Variants in ARHGAP6 observed in about 807,000 individuals in gnomAD.
ARHGAP6 encodes Rho GTPase activating protein 6, also known as rho GTPase-activating protein 6.
In ARHGAP6, 16 loss-of-function variants were observed where a neutral mutation model predicts 55.7. The observed-to-expected ratio is 0.29, with a 90% confidence interval of 0.19 to 0.44. ARHGAP6 has a LOEUF of 0.44. Among genes scored for constraint, ARHGAP6 ranks in the 20% least tolerant of loss-of-function variants. The probability of loss-of-function intolerance (pLI) is 1.00; values close to 1 mark genes in which losing one functional copy is unlikely to be tolerated. For missense variants in ARHGAP6, 698 were observed against 808.9 expected (o/e 0.86, Z 1.66); for synonymous variants, 382 against 360.9 (o/e 1.06, Z -0.66).
chrX:11,288,624 A>G (rs756402196), intron 1 of ARHGAP6, among the ~76,000 whole-genome samples: 7 of 111,812 alleles, frequency 6.3e-5, no homozygotes, highest in Non-Finnish European at 1.1e-4. Flanking sequence ...TATCATCACA[A>G]AAAGAAACCT....
intron 1 of ARHGAP6, among the ~76,000 whole-genome samples, chrX:11,423,880 A>C (rs1210070725): frequency 8.9e-6 from 1 of 112,311 alleles, no homozygotes; most frequent in East Asian, 2.8e-4. Context: ...AGGAGAGAAG[A>C]GCTTGAGCCT....
In ARHGAP6 at chrX:11,138,942, T is replaced by A. The variant is rs774170167; in HGVS notation, c.2846A>T (p.Asp949Val). 4 of 1,192,097 alleles carry A rather than the reference T, an allele frequency of 3.4e-6. No homozygotes were observed. In the South Asian group the frequency reaches 7.3e-5, roughly 22 times the overall value. Residue 949 changes from aspartate to valine, a missense_variant, in exon 13 of 13, where the codon GAC (aspartate) becomes GTC (valine). By Grantham distance (152) the Asp-to-Val change is radical. Transcript: ENST00000337414. ...SPRLGDAGWL[D>V]WQRERWQIWE... ...GATCTGCCAGCGCTCTCTCTGCCAGTCGAGCCAGCCAGCGTCCCCCAGGCG... is the reference window on the plus strand; with the variant it reads ...GATCTGCCAGCGCTCTCTCTGCCAGACGAGCCAGCCAGCGTCCCCCAGGCG...
At chrX:11,293,527 C>T (rs994510384) in intron 1 of ARHGAP6, 25 of 111,878 alleles carry the variant, frequency 2.2e-4, no homozygotes, top group Non-Finnish European at 4.1e-4. Context: ...TCTTTCTCTG[C>T]ATTTCTTTTA....
At chrX:11,395,134 A>T (rs913869787) in intron 1 of ARHGAP6, among the ~76,000 whole-genome samples, 2 of 111,798 alleles carry the variant, frequency 1.8e-5, no homozygotes, top group African/African-American at 6.5e-5. Flanking sequence ...ATTTTATTCT[A>T]CATGCACATT....
chrX:11,625,685 G>T (rs187400984), intron 1 of ARHGAP6, among the ~76,000 whole-genome samples: 46 of 112,064 alleles, frequency 4.1e-4, no homozygotes, highest in African/African-American at 1.5e-3. Flanking sequence ...GAGAAGATTT[G>T]AAATGTTCCC....
intron 1 of ARHGAP6, among the ~76,000 whole-genome samples, chrX:11,543,331 T>C (rs2051178878): frequency 8.8e-6 from 1 of 113,028 alleles, no homozygotes; most frequent in African/African-American, 3.2e-5. Context: ...TTTTGTATAA[T>C]TTTAGAACAA....
chrX:11,144,212 G>T lies in ARHGAP6; in HGVS notation c.1944C>A (p.Ser648=), dbSNP rs1014805974. ...CTGTAGATGAATGCCTCCCTCCCAC[G>T]GAAAAGGAAACTTCCGACTGCAGCA... ...PDMLQSEVSF[S]VGGRHSSTDS... The change falls in exon 11 of 13, where the codon TCC becomes TCA. Residue 648 remains serine, a synonymous_variant. Coordinates refer to ENST00000337414, the MANE Select transcript of ARHGAP6 (RefSeq NM_013427.3). 5.0e-6 allele frequency: 6 copies of T among 1,209,940 alleles called. No homozygotes were observed. Among genetic ancestry groups the T allele is most frequent in the Non-Finnish European group, 6.7e-6 (6 of 895,072 alleles).
At chrX:11,179,962 G>A (rs1041459956) in intron 6 of ARHGAP6, among the ~76,000 whole-genome samples, 1 of 108,908 alleles carries the variant, frequency 9.2e-6, no homozygotes, top group Non-Finnish European at 1.9e-5. Context: ...CACCAATCCT[G>A]CCATGTTTGG....
chrX:11,617,009 C>T (rs940250565), intron 1 of ARHGAP6, among the ~76,000 whole-genome samples: 4 of 111,875 alleles, frequency 3.6e-5, no homozygotes, highest in African/African-American at 1.3e-4. Context: ...CTATAAAAAC[C>T]TTGGCTACAG....
Position 11,139,032 on chromosome X carries a change from T to G in ARHGAP6, c.2756A>C (p.Gln919Pro), listed in dbSNP as rs1440676762. 1.7e-6 allele frequency: 2 copies of G among 1,208,543 alleles called. No homozygotes were observed. Among genetic ancestry groups the G allele is most frequent in the East Asian group, 3.0e-5 (1 of 33,751 alleles). Residue 919 changes from glutamine to proline, a missense_variant, in exon 13 of 13, where the codon CAG becomes CCG. Physicochemically the swap from Gln to Pro is moderately conservative, Grantham distance 76. Around this residue, in one of 3 missense-constraint regions of ARHGAP6, gnomAD observed 212 missense variants for 208.7 expected, o/e 1.02. Transcript: ENST00000337414. ...GCTCAGTTTTTTCTGCGTGACCTGC[T>G]GCTCTCGCTCGGCTGCTTGGCCTCC... is the stretch of plus-strand genomic sequence containing the variant. Reference protein sequence around the residue: ...DQGGQAAEREQQVTQKKLSSA... With the variant: ...DQGGQAAEREPQVTQKKLSSA...
At chrX:11,321,334 A>T (rs2048430093) in intron 1 of ARHGAP6, among the ~76,000 whole-genome samples, 1 of 112,068 alleles carries the variant, frequency 8.9e-6, no homozygotes, top group Non-Finnish European at 1.9e-5. Context: ...TCAATTGGGC[A>T]CAAATTTAGT....
chrX:11,182,595 AT>A (rs1432461957), intron 5 of ARHGAP6, among the ~76,000 whole-genome samples: 3 of 87,389 alleles, frequency 3.4e-5, no homozygotes, highest in Non-Finnish European at 7.1e-5. Context: ...ATCACTCTTC[AT>A]TTTCTTTTCT....
At chrX:11,549,532 G>C (rs2051245038) in intron 1 of ARHGAP6, among the ~76,000 whole-genome samples, 1 of 112,077 alleles carries the variant, frequency 8.9e-6, no homozygotes, top group African/African-American at 3.2e-5. Flanking sequence ...CCAAGGTTTA[G>C]AGCCACTGCC....
chrX:11,428,448 C>T (rs1018839097), intron 1 of ARHGAP6, among the ~76,000 whole-genome samples: 37 of 112,160 alleles, frequency 3.3e-4, no homozygotes, highest in Non-Finnish European at 6.2e-4. Flanking sequence ...CACTTTAAAA[C>T]ACCTTGGAGA....
chrX:11,655,177 CATA>C (rs1490803478), intron 1 of ARHGAP6, among the ~76,000 whole-genome samples: 1 of 112,260 alleles, frequency 8.9e-6, no homozygotes, highest in Non-Finnish European at 1.9e-5. Context: ...TTTCACTTAG[CATA>C]ATGTTTTCAA....
intron 1 of ARHGAP6, among the ~76,000 whole-genome samples, chrX:11,268,376 G>A (rs1018122714): frequency 8.9e-6 from 1 of 111,848 alleles, no homozygotes; most frequent in Admixed American, 9.5e-5. Flanking sequence ...AATGATAACA[G>A]TAGAAGTTTA....
Position 11,371,330 on chromosome X carries a change from C to A in ARHGAP6, c.589-116623G>T, listed in dbSNP as rs73498721. Among the ~76,000 whole-genome samples, 674 of 112,034 alleles carry A rather than the reference C, an allele frequency of 6.0e-3. 4 individuals are homozygous for A. Among genetic ancestry groups the A allele is most frequent in the African/African-American group, 0.021 (641 of 30,905 alleles). On this transcript the variant is annotated intron_variant, in intron 1 of 12. Coordinates refer to ENST00000337414, the MANE Select transcript of ARHGAP6 (RefSeq NM_013427.3). The stretch of plus-strand genomic sequence containing the variant: ...GTAAATAAAGTTTTATTGGAACCAG[C>A]CATGCACATTCATTTGTGTATTGTC...
At chrX:11,647,352 G>A (rs780800073) in intron 1 of ARHGAP6, among the ~76,000 whole-genome samples, 2 of 111,280 alleles carry the variant, frequency 1.8e-5, no homozygotes, top group Non-Finnish European at 3.8e-5. Flanking sequence ...CCTTCTGACA[G>A]GGGAATGACA....
intron 1 of ARHGAP6, among the ~76,000 whole-genome samples, chrX:11,661,523 C>A (rs1355768270): frequency 8.9e-6 from 1 of 112,460 alleles, no homozygotes; most frequent in Non-Finnish European, 1.9e-5. Context: ...GGAGCAGGGG[C>A]TGTTGTATGG....
Sources: gnomAD v4.1 joint callset for allele counts (sites outside exome capture counted in the v4.1 genomes callset) on GRCh38, gnomAD v4.1.1 for gene constraint, gnomAD v4.1.1 regional missense constraint, MANE v1.5 for transcripts, NCBI Gene and HGNC (gene_info 2026-07-23, HGNC 2026-07-21) for gene names.